Variants in ATPAF1 observed in about 807,000 individuals in gnomAD.
ATPAF1 encodes the protein homolog of yeast ATP11.
In ATPAF1, 26 loss-of-function variants were observed where a neutral mutation model predicts 43.9. The observed-to-expected ratio is 0.59, with a 90% CI of 0.43 to 0.82. The LOEUF (loss-of-function observed/expected upper bound fraction) is 0.82, where lower values mean the gene tolerates loss of function less well. Ranked by LOEUF, ATPAF1 falls within the 40% of genes least tolerant of loss-of-function variation. ATPAF1 has a pLI of 0.00. For synonymous variants in ATPAF1, 157 were observed against 168.0 expected (o/e 0.93, Z 0.50); for missense variants, 366 against 435.0 (o/e 0.84, Z 1.41).
chr1:46,645,967 G>T (rs1676036215), intron 6 of ATPAF1, among the ~76,000 whole-genome samples: 1 of 152,172 alleles, frequency 6.6e-6, no homozygotes, highest in East Asian at 1.9e-4. Flanking sequence ...TTGAGCTCAG[G>T]AGTTTGAGGC....
chr1:46,654,528 TTTATTATTA>T (rs57700546), intron 4 of ATPAF1, among the ~76,000 whole-genome samples: 12 of 135,282 alleles, frequency 8.9e-5, no homozygotes, highest in South Asian at 2.4e-4. Context: ...TATTTATTTA[TTTATTATTA>T]TTATTATTAT....
intron 8 of ATPAF1, among the ~76,000 whole-genome samples, chr1:46,636,476 A>G (rs1675843443): frequency 6.6e-6 from 1 of 152,196 alleles, no homozygotes; most frequent in Admixed American, 6.5e-5. Flanking sequence ...TTATGATACT[A>G]CCTTGGTCAG....
intron 2 of ATPAF1, among the ~76,000 whole-genome samples, chr1:46,662,141 G>T (rs974285147): frequency 5.9e-5 from 9 of 151,998 alleles, no homozygotes; most frequent in Non-Finnish European, 7.4e-5. Flanking sequence ...TGATCTGCCC[G>T]CCTTGGCCTC....
chr1:46,653,702 A>C lies in ATPAF1; in HGVS notation c.540+115T>G. The C allele has an allele frequency of 1.1e-6, 1 of 920,322 alleles. No homozygotes were observed. The highest frequency in any genetic ancestry group is 1.8e-5 in the South Asian group (1 of 54,664). 57.0% of individuals were successfully genotyped at this position (920,322 alleles called of 1,614,324 possible). A position where few individuals can be genotyped will look rare whatever the true frequency, so the allele number is the denominator to read the frequency against. ...ATAATAAAAACTCTCAGGGCTGTAA[A>C]ATGCAGCTTCTCAAGAGGCAATAAA... On this transcript the variant is annotated intron_variant, in intron 5 of 8. Transcript: ENST00000574428. This position sits in a 1 kb window ranked among gnomAD's most constrained non-coding sequence, Gnocchi z 4.8.
At chr1:46,650,919 G>T (rs913898982) in intron 6 of ATPAF1, among the ~76,000 whole-genome samples, 2 of 152,002 alleles carry the variant, frequency 1.3e-5, no homozygotes, top group African/African-American at 4.8e-5. Context: ...AGCTAGATGG[G>T]AGAAATATGT....
chr1:46,652,567 C>T lies in ATPAF1; in HGVS notation c.588+14G>A. 1.2e-6 allele frequency: 2 copies of T among 1,611,900 alleles called. No homozygotes were observed. Among genetic ancestry groups the T allele is most frequent in the Non-Finnish European group, 1.7e-6 (2 of 1,178,320 alleles). ...CATTGATAAGCAACCCTTACGTGAT[C>T]ACCAGAAACTTACTGTTGGACAGGA... On this transcript the variant is annotated intron_variant, in intron 6 of 8. Coordinates refer to ENST00000574428, the Ensembl canonical transcript of ATPAF1.
At chr1:46,642,928 AC>A (rs1675975397) in intron 8 of ATPAF1, among the ~76,000 whole-genome samples, 1 of 152,230 alleles carries the variant, frequency 6.6e-6, no homozygotes, top group African/African-American at 2.4e-5. Flanking sequence ...GTTCAAGTTT[AC>A]ATAAGGTTTT....
chr1:46,652,213 A>G (rs1178008666), intron 6 of ATPAF1, among the ~76,000 whole-genome samples: 1 of 151,944 alleles, frequency 6.6e-6, no homozygotes, highest in African/African-American at 2.4e-5. Context: ...AGCAAAAAAA[A>G]AAAAAAAAAG....
chr1:46,649,658 TCACACCTGTAATCC>T (rs1676126215), intron 6 of ATPAF1, among the ~76,000 whole-genome samples: 1 of 151,984 alleles, frequency 6.6e-6, no homozygotes, highest in Admixed American at 6.5e-5. Flanking sequence ...GCACAGTGGC[TCACACCTGTAATCC>T]CAGCACTTTG....
chr1:46,643,805 G>A (rs780348753), intron 7 of ATPAF1, among the ~76,000 whole-genome samples: 7 of 152,132 alleles, frequency 4.6e-5, no homozygotes, highest in Non-Finnish European at 8.8e-5. Context: ...GTTGGTGGGG[G>A]GTGAAGGGGA....
At chr1:46,661,147 A>T (rs912601546) in intron 2 of ATPAF1, among the ~76,000 whole-genome samples, 4 of 151,346 alleles carry the variant, frequency 2.6e-5, no homozygotes, top group African/African-American at 9.7e-5. Flanking sequence ...ATCTCCGCTC[A>T]CTGCAACCTC....
At chr1:46,660,539 A>C (rs1484981598) in intron 2 of ATPAF1, among the ~76,000 whole-genome samples, 1 of 152,260 alleles carries the variant, frequency 6.6e-6, no homozygotes, top group African/African-American at 2.4e-5. Context: ...TTTATGCATC[A>C]GAAAATGATG....
At chr1:46,634,274 C>T (rs1173085966), downstream of ATPAF1, 1 of 187,184 alleles carries the variant, frequency 5.3e-6, no homozygotes, top group East Asian at 1.7e-4. Flanking sequence ...TGTCATATAA[C>T]CAGATCTTAG....
Position 46,661,198 on chromosome 1 carries a change from G to C in ATPAF1, c.376-2461C>G, listed in dbSNP as rs1251406536. On this transcript the variant is annotated intron_variant, in intron 2 of 8. Transcript: ENST00000574428. ...AGCAATTCTCCTGCCTCAGCCTCCT[G>C]AGTAGCTGGGATTACAGGCATGCGC... Among the ~76,000 whole-genome samples the C allele has an allele frequency of 2.6e-5, 4 of 151,826 alleles. No individual in the cohort carries two copies. In the East Asian group the frequency reaches 5.8e-4, roughly 22 times the overall value.
At chr1:46,652,460 C>G in intron 6 of ATPAF1, 121 bp downstream of exon 6, 1 of 967,578 alleles carries the variant, frequency 1.0e-6, no homozygotes, top group South Asian at 1.7e-5. Context: ...ATGTGAGCAT[C>G]TTTATTAAGT....
At chr1:46,656,888 G>A (rs1676283041) in intron 4 of ATPAF1, among the ~76,000 whole-genome samples, 1 of 152,204 alleles carries the variant, frequency 6.6e-6, no homozygotes, top group Non-Finnish European at 1.5e-5. Flanking sequence ...AAAACTCCTT[G>A]GGGATGAGGA....
At chr1:46,668,532 T>A, upstream of ATPAF1, 1 of 536,362 alleles carries the variant, frequency 1.9e-6, no homozygotes, top group Non-Finnish European at 2.5e-6. This position sits in a 1 kb window ranked among gnomAD's most constrained non-coding sequence, Gnocchi z 4.4. Flanking sequence ...CTCGCCGCCC[T>A]GTGTATGCCA....
chr1:46,659,320 T>A (rs532865852), intron 2 of ATPAF1, among the ~76,000 whole-genome samples: 1 of 152,326 alleles, frequency 6.6e-6, no homozygotes, highest in South Asian at 2.1e-4. Context: ...CTACTAGTAC[T>A]GAGAGTCCAT....
downstream of ATPAF1, chr1:46,633,941 C>T (rs1360628548): frequency 7.0e-6 from 3 of 428,970 alleles, no homozygotes; most frequent in Non-Finnish European, 1.4e-5. Context: ...ATGAAAATGG[C>T]AGGGCAGATA....
Sources: allele counts gnomAD v4.1 joint callset (sites outside exome capture counted in the v4.1 genomes callset), GRCh38; gene constraint gnomAD v4.1.1; non-coding constraint Gnocchi (gnomAD v3.1); transcripts MANE v1.5; gene names NCBI Gene and HGNC (gene_info 2026-07-23, HGNC 2026-07-21).